Variants in TRMO observed in about 807,000 individuals in gnomAD.
The protein encoded by TRMO is tRNA methyltransferase O, also known as tRNA (adenine(37)-N6)-methyltransferase.
In TRMO, 30 loss-of-function variants were observed where a neutral mutation model predicts 37.2. That is an observed-to-expected ratio of 0.81 (90% CI 0.60 to 1.09). The LOEUF (loss-of-function observed/expected upper bound fraction) is 1.09, where lower values mean the gene tolerates loss of function less well. Among genes scored for constraint, TRMO ranks in the 50% least tolerant of loss-of-function variants. The probability of loss-of-function intolerance (pLI) is 0.00; values close to 1 mark genes in which losing one functional copy is unlikely to be tolerated. For missense variants in TRMO, 552 were observed against 549.5 expected (o/e 1.00, Z -0.05); for synonymous variants, 239 against 199.4 (o/e 1.20, Z -1.67).
the TRMO span, among the ~76,000 whole-genome samples, chr9:97,896,977 A>G: frequency 6.6e-6 from 1 of 152,254 alleles, no homozygotes; most frequent in Non-Finnish European, 1.5e-5. Flanking sequence ...TTCTGCAGTG[A>G]GTCCCCAGAG....
chr9:97,899,134 G>A, the TRMO span, among the ~76,000 whole-genome samples: 1 of 151,924 alleles, frequency 6.6e-6, no homozygotes, highest in Admixed American at 6.6e-5. Flanking sequence ...CACCGCACCC[G>A]GCCTATTTTC....
At chr9:97,908,342 G>A (rs1295358224) in intron 4 of TRMO, among the ~76,000 whole-genome samples, 1 of 151,544 alleles carries the variant, frequency 6.6e-6, no homozygotes, top group Non-Finnish European at 1.5e-5. Context: ...AACCCGGGAG[G>A]CGGAGCTTGC....
At chr9:97,905,637 C>T (rs777496617) in intron 4 of TRMO, among the ~76,000 whole-genome samples, 10 of 152,062 alleles carry the variant, frequency 6.6e-5, no homozygotes, top group Non-Finnish European at 1.3e-4. Context: ...GTAACTGTGA[C>T]CTAGTTTTTC....
Position 97,904,813 on chromosome 9 carries a change from C to T in TRMO, c.1246G>A (p.Glu416Lys), listed in dbSNP as rs1339653090. 1 of 1,614,100 alleles carries T rather than the reference C, an allele frequency of 6.2e-7. No homozygotes were observed. The highest frequency in any genetic ancestry group is 1.7e-5 in the Admixed American group (1 of 60,006). Reference protein sequence around the residue: ...VTCWFGDGFAEVLRIKPASEP... With the variant: ...VTCWFGDGFAKVLRIKPASEP... ...GAAGCCGGCTTGATCCTCAGCACCT[C>T]TGCAAAGCCATCACCAAACCAGCAA... The change falls in exon 5 of 5, where the codon GAG becomes AAG. Residue 416 changes from glutamate (E) to lysine (K), a missense_variant. By Grantham distance (56) the Glu-to-Lys change is moderately conservative (BLOSUM62 1). Transcript: ENST00000375119.
intron 4 of TRMO, among the ~76,000 whole-genome samples, chr9:97,908,304 C>T (rs1825950920): frequency 1.3e-5 from 2 of 149,724 alleles, no homozygotes; most frequent in Admixed American, 1.3e-4. Flanking sequence ...CCCAGCTACT[C>T]GGGAGGCGGA....
Position 97,922,404 on chromosome 9 carries a change from G to A in TRMO, c.76+14C>T. The A allele has an allele frequency of 1.9e-6, 3 of 1,540,482 alleles. No homozygotes were observed. Among genetic ancestry groups the A allele is most frequent in the African/African-American group, 1.4e-5 (1 of 73,880 alleles). On this transcript the variant is annotated intron_variant, in intron 1 of 4. Transcript: ENST00000375119. ...ACCTCTCCAGAGTGTGGCACCGCCG[G>A]TGTTGGAAGTTACCTGTCTCCAGAG...
intron 3 of TRMO, chr9:97,912,355 T>C (rs886249106): frequency 1.3e-5 from 2 of 153,746 alleles, no homozygotes; most frequent in Non-Finnish European, 2.9e-5. Context: ...ACTATAGCTC[T>C]AGCACCTAGG....
Position 97,910,447 on chromosome 9 carries a change from G to A in TRMO, c.579C>T (p.Ser193=). The A allele has an allele frequency of 6.2e-7, 1 of 1,614,068 alleles. No homozygotes were observed. Among genetic ancestry groups the A allele is most frequent in the Non-Finnish European group, 8.5e-7 (1 of 1,179,940 alleles). ...GTCGCTGGTCACAGCTGTCAGTCTTGCTGTCAGACTGGGACACAGTGTTTG... is the reference window on the plus strand; with the variant it reads ...GTCGCTGGTCACAGCTGTCAGTCTTACTGTCAGACTGGGACACAGTGTTTG... ...HTPNTVSQSD[S]KTDSCDQRQL... The change falls in exon 4 of 5, where the codon AGC becomes AGT. Residue 193 remains serine (S), a synonymous_variant. Transcript: ENST00000375119.
At chr9:97,899,165 T>C in the TRMO span, among the ~76,000 whole-genome samples, 1 of 151,848 alleles carries the variant, frequency 6.6e-6, no homozygotes, top group Non-Finnish European at 1.5e-5. Flanking sequence ...AATGCAGAGA[T>C]TTTCCTGCAA....
intron 1 of TRMO, among the ~76,000 whole-genome samples, chr9:97,920,000 C>A (rs943215442): frequency 2.6e-5 from 4 of 152,248 alleles, no homozygotes; most frequent in African/African-American, 9.6e-5. Context: ...TATACATTCT[C>A]TGTGCCCTCC....
chr9:97,921,516 G>A (rs572395315), intron 1 of TRMO, among the ~76,000 whole-genome samples: 1 of 149,814 alleles, frequency 6.7e-6, no homozygotes, highest in Non-Finnish European at 1.5e-5. Flanking sequence ...CCCGCCTCCC[G>A]GGTTCATGCC....
rs1456454862 is a variant in TRMO at position 97,913,276 on chromosome 9, T to C, written c.409+125A>G. On this transcript the variant is annotated intron_variant, in intron 3 of 4. Coordinates refer to ENST00000375119, the MANE Select transcript of TRMO (RefSeq NM_016481.5). ...TAATCATTGTATTTTCTTCAATGTC[T>C]GGTGGTTCTCAGGAGTTAACATCAT... 2.7e-6 allele frequency: 3 copies of C among 1,121,136 alleles called. No homozygotes were observed. The African/African-American group carries it at 4.6e-5, about 17-fold the overall frequency. The allele number at this position is 1,121,136 out of a possible 1,614,324, so 69.4% of individuals were successfully genotyped here.
rs768917047 is a variant in TRMO at position 97,910,519 on chromosome 9, C to G, written c.507G>C (p.Val169=). The part of the protein sequence containing the change: ...YIAEYDSPQN[V]MEPLADFNLQ... ...AATTAAAGTCTGCTAAAGGCTCCAT[C>G]ACATTTTGCGGTGAGTCATACTCAG... Residue 169 remains valine, a synonymous_variant, in exon 4 of 5, where the codon GTG becomes GTC. Coordinates refer to ENST00000375119, the MANE Select transcript of TRMO (RefSeq NM_016481.5). 8 of 1,614,230 alleles carry G rather than the reference C, an allele frequency of 5.0e-6. No individual in the cohort carries two copies. Among genetic ancestry groups the G allele is most frequent in the Non-Finnish European group, 5.9e-6 (7 of 1,180,056 alleles).
rs143780090 is a variant in TRMO, at chr9:97,910,402, C to G, written c.624G>C (p.Glu208Asp). 61 of 1,614,204 alleles carry G rather than the reference C, an allele frequency of 3.8e-5. No individual in the cohort carries two copies. The African/African-American group carries it at 8.0e-4, about 21-fold the overall frequency. Residue 208 changes from glutamate (E) to aspartate (D), a missense_variant, in exon 4 of 5, where the codon GAG becomes GAC. Physicochemically the swap from Glu to Asp is conservative, Grantham distance 45. Transcript: ENST00000375119. ...CDQRQLSGCDEPQPHHSTKRK... is the reference protein window; with the variant it reads ...CDQRQLSGCDDPQPHHSTKRK... Reference sequence around the variant, plus strand: ...TCTTAGTGCTATGGTGGGGTTGTGGCTCATCACACCCTGAGAGCTGTCGCT... The same window carrying G: ...TCTTAGTGCTATGGTGGGGTTGTGGGTCATCACACCCTGAGAGCTGTCGCT...
chr9:97,909,104 G>T, intron 4 of TRMO, among the ~76,000 whole-genome samples: 1 of 152,060 alleles, frequency 6.6e-6, no homozygotes, highest in East Asian at 1.9e-4. Context: ...ACAGGCACCT[G>T]CCACCAAAAC....
At chr9:97,897,311 A>G in the TRMO span, among the ~76,000 whole-genome samples, 1 of 152,226 alleles carries the variant, frequency 6.6e-6, no homozygotes, top group African/African-American at 2.4e-5. Context: ...CAGAGAAATA[A>G]TGTTCTAAAT....
chr9:97,910,554 G>T lies in TRMO; in HGVS notation c.472C>A (p.Pro158Thr). Residue 158 changes from proline (P) to threonine (T), a missense_variant, in exon 4 of 5, where the codon CCC becomes ACC. By Grantham distance (38) the Pro-to-Thr change is conservative. Coordinates refer to ENST00000375119, the MANE Select transcript of TRMO (RefSeq NM_016481.5). ...GGTGAGTCATACTCAGCTATGTAGG[G>T]CTTGATGTCTAGTACGGGTGTGCCA... ...IHGTPVLDIKPYIAEYDSPQN... is the reference protein window; with the variant it reads ...IHGTPVLDIKTYIAEYDSPQN... 6.2e-7 allele frequency: 1 copy of T among 1,614,120 alleles called. No individual in the cohort carries two copies. The highest frequency in any genetic ancestry group is 1.1e-5 in the South Asian group (1 of 91,086).
At chr9:97,920,060 A>AC (rs1826555190) in intron 1 of TRMO, among the ~76,000 whole-genome samples, 1 of 152,216 alleles carries the variant, frequency 6.6e-6, no homozygotes, top group African/African-American at 2.4e-5. Context: ...GAGACCTGAC[A>AC]CCGTTTGCCA....
the TRMO span, among the ~76,000 whole-genome samples, chr9:97,898,925 C>T: frequency 1.5e-4 from 21 of 142,256 alleles, no homozygotes; most frequent in African/African-American, 3.2e-4. Flanking sequence ...CTGCAAGCTC[C>T]GCCTCCCAGG....
Sources: gnomAD v4.1 joint callset for allele counts (sites outside exome capture counted in the v4.1 genomes callset) on GRCh38, gnomAD v4.1.1 for gene constraint, MANE v1.5 for transcripts, NCBI Gene and HGNC (gene_info 2026-07-23, HGNC 2026-07-21) for gene names.